The following ELF1 variants were observed in gnomAD, a reference collection of about 807,000 sequenced individuals.
The protein encoded by ELF1 is E74 like ETS transcription factor 1, also known as ETS-related transcription factor Elf-1.
ELF1 carries 24 observed loss-of-function variants against 59.9 expected under a neutral mutation model. The observed-to-expected ratio is 0.40, with a 90% confidence interval of 0.29 to 0.56. ELF1 has a LOEUF of 0.56. Ranked by LOEUF, ELF1 falls within the 20% of genes least tolerant of loss-of-function variation. The pLI, the probability that ELF1 is intolerant of heterozygous loss-of-function variation, is 0.44. For missense variants in ELF1, 627 were observed against 742.2 expected, an observed-to-expected ratio of 0.84 and a Z score of 1.80; for synonymous variants, 248 against 266.2, an observed-to-expected ratio of 0.93 and a Z score of 0.67.
rs375157134 is a variant in ELF1 at position 40,934,171 on chromosome 13, T to C, written c.1257-143A>G. The C allele has an allele frequency of 2.8e-4, 303 of 1,100,396 alleles. 1 individual carries two copies. In the East Asian group the frequency reaches 5.1e-3, roughly 18 times the overall value. 68.2% of individuals were successfully genotyped at this position (1,100,396 alleles called of 1,614,324 possible). On this transcript the variant is annotated intron_variant, in intron 8 of 8. Transcript: ENST00000239882. ...CATATTTTCAACAGAGCATGACCAA[T>C]ATCATGCCAGACTTTGTATTAAACA... is the stretch of plus-strand genomic sequence containing the variant.
At chr13:40,966,075 T>C (rs1872155766) in intron 2 of ELF1, among the ~76,000 whole-genome samples, 1 of 152,204 alleles carries the variant, frequency 6.6e-6, no homozygotes, top group Admixed American at 6.5e-5. Context: ...ATTCAAACAA[T>C]TACATTTTTA....
chr13:41,050,631 G>A (rs777913373), intron 1 of ELF1, among the ~76,000 whole-genome samples: 3 of 152,060 alleles, frequency 2.0e-5, no homozygotes, highest in East Asian at 1.9e-4. Flanking sequence ...ATCTCGGATC[G>A]CTGCAACCTC....
At chr13:41,060,046 T>C (rs1050945194) in intron 1 of ELF1, among the ~76,000 whole-genome samples, 2 of 152,212 alleles carry the variant, frequency 1.3e-5, no homozygotes, top group African/African-American at 4.8e-5. Flanking sequence ...TCGAGGGTAC[T>C]TTCCGTGACT....
At chr13:41,041,750 A>G (rs1413315574) in intron 1 of ELF1, among the ~76,000 whole-genome samples, 1 of 152,060 alleles carries the variant, frequency 6.6e-6, no homozygotes, top group African/African-American at 2.4e-5. Context: ...AATCATCTAA[A>G]GATGCACACA....
At chr13:40,948,502 G>A (rs145545111) in intron 5 of ELF1, among the ~76,000 whole-genome samples, 95 of 152,214 alleles carry the variant, frequency 6.2e-4, no homozygotes, top group African/African-American at 2.2e-3. Flanking sequence ...CTGCAGTGTC[G>A]GCTCATGTTT....
intron 5 of ELF1, among the ~76,000 whole-genome samples, chr13:40,948,607 A>C (rs1471322650): frequency 6.6e-6 from 1 of 152,192 alleles, no homozygotes; most frequent in African/African-American, 2.4e-5. Context: ...GCTATTAATC[A>C]AGACATTATA....
Position 40,958,862 on chromosome 13 carries a change from T to C in ELF1, c.227A>G (p.Asp76Gly). The C allele has an allele frequency of 1.2e-6, 2 of 1,612,764 alleles. No individual in the cohort carries two copies. The highest frequency in any genetic ancestry group is 1.7e-6 in the Non-Finnish European group (2 of 1,179,298). ...LDVAEEEIID[D>G]DDDDITLTVE... ...TGTAAGGGTGATGTCATCATCATCA[T>C]CGTCTATGATTTCTTCTTCAGCAAC... The change falls in exon 3 of 9, where the codon GAT becomes GGT. Residue 76 changes from aspartate (D) to glycine (G), a missense_variant. Physicochemically the swap from Asp to Gly is moderately conservative, Grantham distance 94. This residue lies in a region of ELF1 where 232 missense variants were observed against 269.2 expected (regional missense o/e 0.86). Coordinates refer to ENST00000239882, the MANE Select transcript of ELF1 (RefSeq NM_172373.4).
chr13:41,009,867 G>C (rs952496172), intron 1 of ELF1, among the ~76,000 whole-genome samples: 5 of 151,882 alleles, frequency 3.3e-5, no homozygotes, highest in Admixed American at 2.6e-4. Context: ...ATTACTAGTT[G>C]CAATAGTGCA....
chr13:41,037,069 G>A (rs1876410826), intron 1 of ELF1, among the ~76,000 whole-genome samples: 3 of 151,498 alleles, frequency 2.0e-5, no homozygotes, highest in Admixed American at 6.6e-5. Context: ...AAACCTGCAC[G>A]TTGTACACAT....
rs1171475800 is a variant in ELF1 at position 40,955,977 on chromosome 13, C to T, written c.253+2859G>A. Reference sequence around the variant, plus strand: ...GGGGTCAGCCCCCCGCCCGGCCAGCCGCCCCGTCCAGGAGGTGAGGGGCGC... The same window carrying T: ...GGGGTCAGCCCCCCGCCCGGCCAGCTGCCCCGTCCAGGAGGTGAGGGGCGC... On this transcript the variant is annotated intron_variant, in intron 3 of 8. Transcript: ENST00000239882. 3.1e-4 allele frequency among the ~76,000 whole-genome samples: 44 copies of T among 140,418 alleles called. 1 individual carries two copies. Among genetic ancestry groups the T allele is most frequent in the Non-Finnish European group, 5.7e-4 (36 of 62,662 alleles). The allele number at this position is 140,418 out of a possible 152,430, so 92.1% of individuals were successfully genotyped here. A position where few individuals can be genotyped will look rare whatever the true frequency, so the allele number is the denominator to read the frequency against.
chr13:41,000,237 CTTTTTTTTTTTTTTTTTTT>C (rs55938711), intron 1 of ELF1, among the ~76,000 whole-genome samples: 15 of 54,722 alleles, frequency 2.7e-4, no homozygotes, highest in African/African-American at 1.2e-3. Context: ...TTGAACCTGG[CTTTTTTTTTTTTTTTTTTT>C]TTTTTTTTTT....
chr13:40,955,654 C>T (rs1593360143), intron 3 of ELF1, among the ~76,000 whole-genome samples: 1 of 114,872 alleles, frequency 8.7e-6, no homozygotes, highest in Non-Finnish European at 1.9e-5. Context: ...CCCGGCCAGC[C>T]GCCCCGTCCG....
At chr13:40,976,221 A>G (rs1039464353) in intron 2 of ELF1, among the ~76,000 whole-genome samples, 1 of 152,222 alleles carries the variant, frequency 6.6e-6, no homozygotes, top group Non-Finnish European at 1.5e-5. Flanking sequence ...AAACAGGCAC[A>G]CTGTGAAAAG....
In ELF1 at chr13:40,943,053, T is replaced by C. The variant is rs1180902156; in HGVS notation, c.705A>G (p.Lys235=). ...TAGAATCCACCAATTTAAAAATGCCTTTCTCTCGCTGGGTCCACTTGATGT... is the reference window on the plus strand; with the variant it reads ...TAGAATCCACCAATTTAAAAATGCCCTTCTCTCGCTGGGTCCACTTGATGT... The part of the protein sequence containing the change: ...PKYIKWTQRE[K]GIFKLVDSKA... The change falls in exon 7 of 9, where the codon AAA becomes AAG. Residue 235 remains lysine, a synonymous_variant. Coordinates refer to ENST00000239882, the MANE Select transcript of ELF1 (RefSeq NM_172373.4). 1 of 1,613,202 alleles carries C rather than the reference T, an allele frequency of 6.2e-7. No homozygotes were observed. The highest frequency in any genetic ancestry group is 1.3e-5 in the African/African-American group (1 of 74,894).
intron 2 of ELF1, among the ~76,000 whole-genome samples, chr13:40,965,552 C>G (rs1472753295): frequency 6.6e-6 from 1 of 151,736 alleles, no homozygotes; most frequent in African/African-American, 2.4e-5. Flanking sequence ...ATCTGGTAGG[C>G]AGAGGCTGCA....
At chr13:40,992,610 A>G (rs140820184) in intron 1 of ELF1, among the ~76,000 whole-genome samples, 4 of 149,000 alleles carry the variant, frequency 2.7e-5, no homozygotes, top group African/African-American at 5.0e-5. Context: ...ATTGTCATCA[A>G]TGCTTGATAG....
intron 1 of ELF1, among the ~76,000 whole-genome samples, chr13:41,026,163 G>A (rs1181465792): frequency 6.6e-6 from 1 of 152,162 alleles, no homozygotes; most frequent in Non-Finnish European, 1.5e-5. Context: ...CATGTCAGAG[G>A]TTGGGAAATA....
chr13:41,012,545 C>CT (rs574593869), intron 1 of ELF1, among the ~76,000 whole-genome samples: 82 of 126,560 alleles, frequency 6.5e-4, no homozygotes, highest in South Asian at 2.3e-3. Flanking sequence ...CTTTTCTTTT[C>CT]TTTTTTTTTT....
chr13:41,017,751 G>A (rs1875492143), intron 1 of ELF1, among the ~76,000 whole-genome samples: 2 of 151,742 alleles, frequency 1.3e-5, no homozygotes, highest in African/African-American at 4.8e-5. Flanking sequence ...GCTTATTTGT[G>A]TGCCTCTTGA....
Sources: gnomAD v4.1 joint callset for allele counts (sites outside exome capture counted in the v4.1 genomes callset) on GRCh38, gnomAD v4.1.1 for gene constraint, gnomAD v4.1.1 regional missense constraint, MANE v1.5 for transcripts, NCBI Gene and HGNC (gene_info 2026-07-23, HGNC 2026-07-21) for gene names.